Variants in CDIN1 observed in about 807,000 individuals in gnomAD.
The protein encoded by CDIN1 is CDAN1 interacting nuclease 1.
A neutral mutation model predicts 45.3 loss-of-function variants in CDIN1; 33 were observed. The observed-to-expected ratio is 0.73, with a 90% CI of 0.55 to 0.97. The LOEUF (loss-of-function observed/expected upper bound fraction) is 0.97, where lower values mean the gene tolerates loss of function less well. Ranked by LOEUF, CDIN1 falls within the 50% of genes least tolerant of loss-of-function variation. The pLI is 0.00. For missense variants in CDIN1, 303 were observed against 339.4 expected, an observed-to-expected ratio of 0.89 and a Z score of 0.84; for synonymous variants, 118 against 124.4, an observed-to-expected ratio of 0.95 and a Z score of 0.34.
intron 1 of CDIN1, chr15:36,617,206 G>A: frequency 1.2e-6 from 1 of 867,604 alleles, no homozygotes. Context: ...TCATAGAACT[G>A]AAAGCTCTTG....
chr15:36,751,229 T>TTATATATATATATATATACATA, intron 10 of CDIN1, among the ~76,000 whole-genome samples: 1 of 97,574 alleles, frequency 1.0e-5, no homozygotes, highest in South Asian at 4.1e-4. Flanking sequence ...TATGCTTATT[T>TTATATATATATATATATACATA]TATATATATA....
At chr15:36,620,625 C>T (rs1165406937) in intron 1 of CDIN1, among the ~76,000 whole-genome samples, 2 of 152,084 alleles carry the variant, frequency 1.3e-5, no homozygotes, top group Admixed American at 6.5e-5. Context: ...CAGAATTGAA[C>T]ATTGAAGTAT....
chr15:36,756,676 T>A (rs1359610409), intron 10 of CDIN1, among the ~76,000 whole-genome samples: 1 of 152,232 alleles, frequency 6.6e-6, no homozygotes, highest in African/African-American at 2.4e-5. Context: ...TTGGTGTGTT[T>A]ATCTGTTTGT....
At chr15:36,644,824 T>C (rs1008133385) in intron 2 of CDIN1, among the ~76,000 whole-genome samples, 4 of 152,192 alleles carry the variant, frequency 2.6e-5, no homozygotes, top group African/African-American at 7.2e-5. Flanking sequence ...TGGTTAAAAA[T>C]GGCAATTGGA....
intron 5 of CDIN1, among the ~76,000 whole-genome samples, chr15:36,684,427 A>G (rs1433317387): frequency 6.6e-6 from 1 of 151,756 alleles, no homozygotes; most frequent in Non-Finnish European, 1.5e-5. Context: ...GATGAAGCCC[A>G]CTTGATCATG....
chr15:36,806,471 A>G (rs969238787), intron 10 of CDIN1, among the ~76,000 whole-genome samples: 27 of 152,108 alleles, frequency 1.8e-4, no homozygotes, highest in Admixed American at 1.0e-3. Flanking sequence ...TTGTTAGATC[A>G]CAGTTTTTTT....
chr15:36,604,081 A>T (rs1003333651), intron 1 of CDIN1, among the ~76,000 whole-genome samples: 1 of 152,132 alleles, frequency 6.6e-6, no homozygotes, highest in Non-Finnish European at 1.5e-5. Flanking sequence ...CCTTTGGAAT[A>T]TGTGGGGCTG....
chr15:36,780,741 A>G (rs1353818405), intron 10 of CDIN1, among the ~76,000 whole-genome samples: 2 of 152,340 alleles, frequency 1.3e-5, no homozygotes, highest in East Asian at 3.9e-4. Context: ...ACTGTGCAAT[A>G]GAGTAGATAC....
At chr15:36,696,739 A>G (rs1393077546) in intron 7 of CDIN1, among the ~76,000 whole-genome samples, 1 of 152,124 alleles carries the variant, frequency 6.6e-6, no homozygotes, top group Non-Finnish European at 1.5e-5. Flanking sequence ...ATTAAAGTAC[A>G]TTTAAAATGA....
chr15:36,788,454 C>A (rs1346415018), intron 10 of CDIN1, among the ~76,000 whole-genome samples: 1 of 151,870 alleles, frequency 6.6e-6, no homozygotes, highest in Non-Finnish European at 1.5e-5. Flanking sequence ...TTTTTTGAAG[C>A]TCTAATTAGT....
chr15:36,694,267 C>T (rs1387727368), intron 7 of CDIN1, among the ~76,000 whole-genome samples: 5 of 152,168 alleles, frequency 3.3e-5, no homozygotes, highest in Non-Finnish European at 5.9e-5. Context: ...ATAGATGTTT[C>T]CTAGACTGAT....
intron 10 of CDIN1, among the ~76,000 whole-genome samples, chr15:36,774,318 A>G (rs1367166492): frequency 6.6e-6 from 1 of 152,134 alleles, no homozygotes; most frequent in Non-Finnish European, 1.5e-5. Flanking sequence ...AGCACGACCT[A>G]TTCCTACTCT....
intron 5 of CDIN1, chr15:36,691,371 A>G (rs1328278322): frequency 7.8e-6 from 2 of 256,488 alleles, no homozygotes; most frequent in South Asian, 4.8e-5. Context: ...ATATTTTCTG[A>G]TTTTTTTTTT....
chr15:36,654,940 C>T (rs1180405960), intron 4 of CDIN1, among the ~76,000 whole-genome samples: 1 of 152,122 alleles, frequency 6.6e-6, no homozygotes, highest in African/African-American at 2.4e-5. Context: ...ATGCAAACCT[C>T]GTAGGGATGG....
chr15:36,805,203 G>A (rs962221149), intron 10 of CDIN1, among the ~76,000 whole-genome samples: 3 of 152,070 alleles, frequency 2.0e-5, no homozygotes, highest in African/African-American at 2.4e-5. Context: ...TCCATTGGGG[G>A]TCTTGGATCT....
rs16963980 is a variant in CDIN1 at position 36,741,951 on chromosome 15, C to T, written c.716+31990C>T. ...TGTGGAGTAAAACGAGGGCTGTCTC[C>T]GTGGTTTGGGTTTTGGTATTTTGGT... On this transcript the variant is annotated intron_variant, in intron 10 of 10. Transcript: ENST00000566621. 3.6e-3 allele frequency among the ~76,000 whole-genome samples: 554 copies of T among 152,086 alleles called. 5 individuals are homozygous for T. Among genetic ancestry groups the T allele is most frequent in the African/African-American group, 0.012 (514 of 41,482 alleles).
intron 1 of CDIN1, among the ~76,000 whole-genome samples, chr15:36,630,394 A>G (rs1054263260): frequency 3.9e-5 from 6 of 152,216 alleles, no homozygotes; most frequent in Admixed American, 2.6e-4. Context: ...AACTGATAAA[A>G]TCATAGAACT....
chr15:36,584,011 G>A (rs930569707), intron 1 of CDIN1, among the ~76,000 whole-genome samples: 1 of 151,864 alleles, frequency 6.6e-6, no homozygotes, highest in Non-Finnish European at 1.5e-5. Context: ...GCAACACTCC[G>A]TCTCAAAAAA....
chr15:36,801,430 A>G (rs2055042549), intron 10 of CDIN1, among the ~76,000 whole-genome samples: 1 of 152,174 alleles, frequency 6.6e-6, no homozygotes, highest in Non-Finnish European at 1.5e-5. Flanking sequence ...ATGCATCTGT[A>G]TACTAGAGGT....
Sources: allele counts gnomAD v4.1 joint callset (sites outside exome capture counted in the v4.1 genomes callset), GRCh38; gene constraint gnomAD v4.1.1; transcripts MANE v1.5; gene names NCBI Gene and HGNC (gene_info 2026-07-23, HGNC 2026-07-21).